STOML3: variants seen among roughly 807,000 people sequenced by gnomAD.
The protein encoded by STOML3 is stomatin like 3.
STOML3 carries 31 observed loss-of-function variants against 29.5 expected under a neutral mutation model. The observed-to-expected ratio is 1.05, with a 90% CI of 0.79 to 1.42. The LOEUF is 1.42. STOML3 is among the 40% of genes most tolerant of loss of function. The probability of loss-of-function intolerance (pLI) is 0.00; values close to 1 mark genes in which losing one functional copy is unlikely to be tolerated. For missense variants in STOML3, 380 were observed against 363.0 expected, an observed-to-expected ratio of 1.05 and a Z score of -0.38; for synonymous variants, 122 against 139.8, an observed-to-expected ratio of 0.87 and a Z score of 0.90.
chr13:38,980,751 T>G (rs918309691), intron 1 of STOML3, among the ~76,000 whole-genome samples: 4 of 152,358 alleles, frequency 2.6e-5, no homozygotes, highest in Non-Finnish European at 5.9e-5. Flanking sequence ...ACAAATATGT[T>G]ATCAGTTCTA....
At chr13:38,987,898 G>A (rs867773840) in intron 1 of STOML3, among the ~76,000 whole-genome samples, 8 of 55,654 alleles carry the variant, frequency 1.4e-4, no homozygotes, top group African/African-American at 3.6e-4. Flanking sequence ...AATATATTAT[G>A]TTATATATAA....
intron 1 of STOML3, among the ~76,000 whole-genome samples, chr13:38,988,310 A>T (rs1868751609): frequency 1.2e-5 from 1 of 86,614 alleles, no homozygotes; most frequent in African/African-American, 5.6e-5. Flanking sequence ...TATATTTTAT[A>T]TATAATATAT....
At chr13:38,977,950 C>T (rs1881146507) in intron 1 of STOML3, among the ~76,000 whole-genome samples, 2 of 150,980 alleles carry the variant, frequency 1.3e-5, no homozygotes, top group African/African-American at 2.4e-5. Flanking sequence ...TTAGTAGAGG[C>T]GAGGATTCAC....
At chr13:38,971,505 T>C (rs1880866478) in intron 4 of STOML3, among the ~76,000 whole-genome samples, 1 of 152,192 alleles carries the variant, frequency 6.6e-6, no homozygotes, top group African/African-American at 2.4e-5. Context: ...GTCCTGAATT[T>C]CTCTTCCTCT....
chr13:38,974,692 C>T (rs1566205464), intron 3 of STOML3, among the ~76,000 whole-genome samples: 1 of 152,042 alleles, frequency 6.6e-6, no homozygotes, highest in Non-Finnish European at 1.5e-5. Flanking sequence ...CCCTCTTGTC[C>T]TTATGACATG....
At chr13:38,986,925 C>A (rs1868594606) in intron 1 of STOML3, among the ~76,000 whole-genome samples, 1 of 152,066 alleles carries the variant, frequency 6.6e-6, no homozygotes, top group Non-Finnish European at 1.5e-5. Flanking sequence ...CAGGAAGATT[C>A]TTTTGCATGT....
intron 1 of STOML3, among the ~76,000 whole-genome samples, chr13:38,980,608 C>T (rs944323442): frequency 6.6e-6 from 1 of 152,170 alleles, no homozygotes; most frequent in African/African-American, 2.4e-5. Flanking sequence ...TCTGTTTGAA[C>T]CAAATCCACA....
intron 1 of STOML3, among the ~76,000 whole-genome samples, chr13:38,984,758 C>T (rs1360039468): frequency 1.3e-5 from 2 of 152,168 alleles, no homozygotes; most frequent in Admixed American, 6.5e-5. Context: ...TTAAGCAGTA[C>T]ATGATTGTAC....
chr13:38,982,588 T>C (rs1455966951), intron 1 of STOML3, among the ~76,000 whole-genome samples: 2 of 152,152 alleles, frequency 1.3e-5, no homozygotes, highest in Non-Finnish European at 2.9e-5. Flanking sequence ...TTTCAGATAA[T>C]ACTTGTTATT....
intron 1 of STOML3, among the ~76,000 whole-genome samples, chr13:38,977,565 A>G (rs1881124759): frequency 6.6e-6 from 1 of 152,076 alleles, no homozygotes; most frequent in Non-Finnish European, 1.5e-5. Context: ...TTTTCATAAA[A>G]GTTTTGTTAT....
chr13:38,976,400 T>G, intron 3 of STOML3, 140 bp downstream of exon 3: 1 of 871,472 alleles, frequency 1.1e-6, no homozygotes, highest in Admixed American at 2.4e-5. Flanking sequence ...ATTCTTCTGT[T>G]GTACCAAAAG....
At chr13:38,989,887 C>T (rs1339697930) in intron 1 of STOML3, among the ~76,000 whole-genome samples, 3 of 151,896 alleles carry the variant, frequency 2.0e-5, no homozygotes, top group Non-Finnish European at 2.9e-5. Context: ...AGGTACAGAG[C>T]ACAGGTTAGG....
At position 38,970,329 on chromosome 13, in the gene STOML3, A is replaced by G. The variant is rs1452103889; in HGVS notation, c.372T>C (p.Tyr124=). ...CATTAGCCACTGCTGAGACAGCACTATAGATTCTGTAATAGACAACTCCAT... is the reference window on the plus strand; with the variant it reads ...CATTAGCCACTGCTGAGACAGCACTGTAGATTCTGTAATAGACAACTCCAT... ...QVDGVVYYRI[Y]SAVSAVANVN... The change falls in exon 5 of 7, where the codon TAT becomes TAC. Residue 124 remains tyrosine (Y), a synonymous_variant. Transcript: ENST00000379631. 4 of 1,614,164 alleles carry G rather than the reference A, an allele frequency of 2.5e-6. No homozygotes were observed. The highest frequency in any genetic ancestry group is 1.1e-5 in the South Asian group (1 of 91,088).
rs564412643 is a variant in STOML3, at chr13:38,966,024, G to C, written c.*801C>G. 1 of 152,196 alleles carries C rather than the reference G, an allele frequency of 6.6e-6. No homozygotes were observed. The highest frequency in any genetic ancestry group is 3.2e-3 in the Middle Eastern group (1 of 316). The allele number at this position is 152,196 out of a possible 1,614,324, so 9.4% of individuals were successfully genotyped here. A position where few individuals can be genotyped will look rare whatever the true frequency, so the allele number is the denominator to read the frequency against. ...GTGGATAGAGTTCACAAACATTCTC[G>C]ATTACCTGTGGCTCCTGGGACTAAG... is the stretch of plus-strand genomic sequence containing the variant. On this transcript the variant is annotated 3_prime_UTR_variant, in exon 7 of 7. Transcript: ENST00000379631.
At chr13:38,988,992 T>C (rs9576671) in intron 1 of STOML3, among the ~76,000 whole-genome samples, 40,342 of 145,242 alleles carry the variant, frequency 0.28, 7,086 homozygotes, top group African/African-American at 0.5. Flanking sequence ...TTACATAATA[T>C]ATATCATACA....
intron 1 of STOML3, among the ~76,000 whole-genome samples, chr13:38,982,955 C>T (rs1200219621): frequency 6.6e-6 from 1 of 152,156 alleles, no homozygotes; most frequent in Non-Finnish European, 1.5e-5. Context: ...CCTGAATTTT[C>T]CCCTATCTGT....
intron 1 of STOML3, among the ~76,000 whole-genome samples, chr13:38,979,514 T>G (rs1881202456): frequency 6.6e-6 from 1 of 152,200 alleles, no homozygotes; most frequent in Non-Finnish European, 1.5e-5. Context: ...TGGCTTTGAT[T>G]TGTAAATTTT....
intron 6 of STOML3, 28 bp from the exon 7 acceptor site, chr13:38,967,077 G>T (rs1214440634): frequency 1.3e-6 from 2 of 1,598,886 alleles, no homozygotes; most frequent in South Asian, 1.1e-5. Context: ...AAATCGTTCA[G>T]AAATAAAAGT....
chr13:38,977,791 G>C (rs1280566231), intron 1 of STOML3, among the ~76,000 whole-genome samples: 1 of 99,744 alleles, frequency 1.0e-5, no homozygotes, highest in African/African-American at 3.4e-5. Context: ...ACGGAGTCTC[G>C]CTCTGTCGCC....
Sources: gnomAD v4.1 joint callset for allele counts (sites outside exome capture counted in the v4.1 genomes callset) on GRCh38, gnomAD v4.1.1 for gene constraint, MANE v1.5 for transcripts, NCBI Gene and HGNC (gene_info 2026-07-23, HGNC 2026-07-21) for gene names.